STARD13: variants seen among roughly 807,000 people sequenced by gnomAD.
STARD13 encodes the protein StAR related lipid transfer domain containing 13.
A neutral mutation model predicts 106.4 loss-of-function variants in STARD13; 62 were observed. The observed-to-expected ratio is 0.58, with a 90% confidence interval of 0.48 to 0.72. The LOEUF (loss-of-function observed/expected upper bound fraction) is 0.72, where lower values mean the gene tolerates loss of function less well. Among genes scored for constraint, STARD13 ranks in the 30% least tolerant of loss-of-function variants. The pLI is 0.00. For missense variants in STARD13, 1,387 were observed against 1,424.0 expected (o/e 0.97, Z 0.42); for synonymous variants, 565 against 553.0 (o/e 1.02, Z -0.31).
Position 33,166,125 on chromosome 13 carries a change from T to G in STARD13, c.242-707A>C, listed in dbSNP as rs914141632. Among the ~76,000 whole-genome samples, 7 of 152,152 alleles carry G rather than the reference T, an allele frequency of 4.6e-5. No individual in the cohort carries two copies. The East Asian group carries it at 1.3e-3, about 29-fold the overall frequency. ...ATCATTGACTTGCCACTTTTTCCTT[T>G]ATCTCATCTTGTATTTTGTGCTGTC... On this transcript the variant is annotated intron_variant, in intron 2 of 13. Coordinates refer to ENST00000336934, the MANE Select transcript of STARD13 (RefSeq NM_178006.4).
chr13:33,320,558 T>C (rs548837313), intron 1 of STARD13, among the ~76,000 whole-genome samples: 1 of 152,370 alleles, frequency 6.6e-6, no homozygotes, highest in East Asian at 1.9e-4. Context: ...AGTCCTCCTC[T>C]CAGGTGTACT....
the STARD13 span, among the ~76,000 whole-genome samples, chr13:33,612,303 G>C: frequency 2.0e-5 from 3 of 152,258 alleles, no homozygotes; most frequent in South Asian, 6.2e-4. Context: ...ACAGTGCCTT[G>C]GTAAGAATTA....
At chr13:33,244,966 T>C (rs758837328) in intron 1 of STARD13, among the ~76,000 whole-genome samples, 15 of 152,172 alleles carry the variant, frequency 9.9e-5, no homozygotes, top group Non-Finnish European at 1.9e-4. Context: ...ATACAACACA[T>C]TAAGCTGTCT....
chr13:33,297,222 T>G (rs1325548280), intron 1 of STARD13, among the ~76,000 whole-genome samples: 1 of 152,250 alleles, frequency 6.6e-6, no homozygotes, highest in Non-Finnish European at 1.5e-5. Context: ...AGTTCAGACC[T>G]GTTTAAACAG....
chr13:33,608,852 C>T, the STARD13 span, among the ~76,000 whole-genome samples: 10 of 152,076 alleles, frequency 6.6e-5, no homozygotes, highest in South Asian at 1.5e-3. Context: ...TTTGGGAGGC[C>T]GAGGCGGGAG....
chr13:33,349,822 G>T (rs908161326), intron 1 of STARD13, among the ~76,000 whole-genome samples: 1 of 152,316 alleles, frequency 6.6e-6, no homozygotes, highest in Middle Eastern at 3.4e-3. Context: ...CGCTTCGGAC[G>T]TGCTCCTTGC....
intron 1 of STARD13, among the ~76,000 whole-genome samples, chr13:33,200,975 G>A (rs1157649223): frequency 3.3e-5 from 5 of 152,002 alleles, no homozygotes; most frequent in Admixed American, 1.3e-4. Context: ...GCAGTGAGCC[G>A]AGATTGTGCC....
At chr13:33,649,346 C>G in the STARD13 span, among the ~76,000 whole-genome samples, 1 of 152,160 alleles carries the variant, frequency 6.6e-6, no homozygotes, top group Non-Finnish European at 1.5e-5. Flanking sequence ...TTTTTCAGGT[C>G]TAAGCTCAAA....
the STARD13 span, chr13:33,611,054 A>C: frequency 0.11 from 16,041 of 152,192 alleles, 1,880 homozygotes; most frequent in African/African-American, 0.28. Flanking sequence ...ATCCTCAGAA[A>C]TCTTAGAGAC....
chr13:33,147,671 TAAAC>T (rs148439344), intron 3 of STARD13, among the ~76,000 whole-genome samples: 4,915 of 152,158 alleles, frequency 0.032, 264 homozygotes, highest in African/African-American at 0.11. Flanking sequence ...TGTCCAGTTT[TAAAC>T]AAACAAACAA....
At chr13:33,298,668 A>G (rs1168450818) in intron 1 of STARD13, among the ~76,000 whole-genome samples, 1 of 152,218 alleles carries the variant, frequency 6.6e-6, no homozygotes, top group Non-Finnish European at 1.5e-5. Context: ...ATGAATGTAT[A>G]TAAACAGACC....
chr13:33,186,897 C>CTTGCAAGCAA (rs1197759037), intron 1 of STARD13, among the ~76,000 whole-genome samples: 15 of 152,162 alleles, frequency 9.9e-5, no homozygotes, highest in Admixed American at 8.5e-4. Context: ...GAAAGCCCCG[C>CTTGCAAGCAA]GTTCCTAGGC....
At chr13:33,635,279 A>G in the STARD13 span, among the ~76,000 whole-genome samples, 2 of 152,140 alleles carry the variant, frequency 1.3e-5, no homozygotes, top group Non-Finnish European at 2.9e-5. Context: ...CGTTTCTAAC[A>G]TGTGCTGCTC....
At chr13:33,512,293 T>C in the STARD13 span, among the ~76,000 whole-genome samples, 2 of 152,156 alleles carry the variant, frequency 1.3e-5, no homozygotes, top group Non-Finnish European at 2.9e-5. Flanking sequence ...AAAATCCTAT[T>C]ATATGTGAGC....
At chr13:33,172,896 A>G (rs984360557) in intron 1 of STARD13, among the ~76,000 whole-genome samples, 24 of 152,206 alleles carry the variant, frequency 1.6e-4, no homozygotes, top group Admixed American at 1.6e-3. Context: ...ATTTCTATGG[A>G]CAAACTGGCT....
the STARD13 span, among the ~76,000 whole-genome samples, chr13:33,455,866 C>T: frequency 4.6e-5 from 7 of 152,100 alleles, no homozygotes; most frequent in African/African-American, 1.2e-4. Flanking sequence ...ATCACTTGAA[C>T]CTGGGAGGCA....
At chr13:33,534,089 G>A in the STARD13 span, among the ~76,000 whole-genome samples, 1 of 152,268 alleles carries the variant, frequency 6.6e-6, no homozygotes, top group South Asian at 2.1e-4. Context: ...ATCACAATAG[G>A]AATGCTCTGG....
the STARD13 span, chr13:33,524,352 A>G: frequency 9.6e-7 from 1 of 1,036,722 alleles, no homozygotes; most frequent in Non-Finnish European, 1.3e-6. Flanking sequence ...TCTTAGGATT[A>G]CTCTCCAGGT....
intron 1 of STARD13, among the ~76,000 whole-genome samples, chr13:33,291,650 GC>G (rs530222431): frequency 2.5e-4 from 38 of 152,100 alleles, no homozygotes; most frequent in Non-Finnish European, 5.0e-4. Flanking sequence ...GTATGATGTG[GC>G]CCCTGTTCTC....
Sources: gnomAD v4.1 joint callset for allele counts (sites outside exome capture counted in the v4.1 genomes callset) on GRCh38, gnomAD v4.1.1 for gene constraint, MANE v1.5 for transcripts, NCBI Gene and HGNC (gene_info 2026-07-23, HGNC 2026-07-21) for gene names.